Variants in CARNMT1 observed in about 807,000 individuals in gnomAD.
CARNMT1 encodes the protein carnosine N-methyltransferase 1.
Under a neutral mutation model 49.6 loss-of-function variants are expected in CARNMT1, and 28 were observed. The ratio of observed to expected loss-of-function variants is 0.56; its 90% CI spans 0.42 to 0.77. CARNMT1 has a LOEUF of 0.77. Ranked by LOEUF, CARNMT1 falls within the 30% of genes least tolerant of loss-of-function variation. The pLI is 0.00. For missense variants in CARNMT1, 421 were observed against 512.6 expected (o/e 0.82, Z 1.73); for synonymous variants, 178 against 175.0 (o/e 1.02, Z -0.13).
intron 3 of CARNMT1, among the ~76,000 whole-genome samples, chr9:75,001,694 A>G (rs1726911793): frequency 6.6e-6 from 1 of 152,136 alleles, no homozygotes; most frequent in Non-Finnish European, 1.5e-5. Flanking sequence ...TCTTAGCTAG[A>G]TTTTCTTCAT....
At chr9:74,998,883 TAATA>T in intron 4 of CARNMT1, 107 bp from the exon 5 acceptor site, 1 of 628,084 alleles carries the variant, frequency 1.6e-6, no homozygotes, top group Non-Finnish European at 2.5e-6. Context: ...CATATATAAT[TAATA>T]TTTAAAGAGT....
intron 3 of CARNMT1, among the ~76,000 whole-genome samples, chr9:75,012,387 A>G (rs1833719551): frequency 6.6e-6 from 1 of 151,780 alleles, no homozygotes; most frequent in Non-Finnish European, 1.5e-5. Context: ...CCCAGGTTCA[A>G]ACAATTCTCC....
At chr9:74,988,587 C>G (rs186581851) in intron 6 of CARNMT1, among the ~76,000 whole-genome samples, 3 of 152,300 alleles carry the variant, frequency 2.0e-5, no homozygotes, top group African/African-American at 7.2e-5. Context: ...AGTCTTTAGT[C>G]CGCCCATATC....
At chr9:75,028,396 C>A (rs1822597028), upstream of CARNMT1, 5 of 1,293,252 alleles carry the variant, frequency 3.9e-6, no homozygotes, top group South Asian at 2.5e-5. Flanking sequence ...TCCATCCGCG[C>A]TGGGCTCCGC....
chr9:75,020,324 G>A (rs1822309712), intron 1 of CARNMT1, among the ~76,000 whole-genome samples: 2 of 140,458 alleles, frequency 1.4e-5, no homozygotes, highest in African/African-American at 2.7e-5. Flanking sequence ...CTGGAATGCA[G>A]TAGCACGATC....
At chr9:75,016,917 TG>T in intron 2 of CARNMT1, 1 of 367,388 alleles carries the variant, frequency 2.7e-6, no homozygotes, top group Non-Finnish European at 4.8e-6. Flanking sequence ...TACAAGACAC[TG>T]AAAAAATATG....
intron 1 of CARNMT1, 31 bp from the exon 2 acceptor site, chr9:75,017,479 C>T (rs566894502): frequency 1.3e-6 from 2 of 1,586,384 alleles, no homozygotes; most frequent in African/African-American, 1.3e-5. Context: ...TTTAAATTCA[C>T]AAAAGAATTC....
intron 1 of CARNMT1, among the ~76,000 whole-genome samples, chr9:75,021,529 C>T (rs1158848342): frequency 3.3e-5 from 5 of 149,716 alleles, no homozygotes; most frequent in Non-Finnish European, 7.4e-5. Context: ...ATTTATATTA[C>T]TAAAATGTTC....
chr9:75,027,862 G>T, intron 1 of CARNMT1, 150 bp downstream of exon 1: 1 of 853,890 alleles, frequency 1.2e-6, no homozygotes, highest in Non-Finnish European at 1.7e-6. Context: ...GGTGCGAGGT[G>T]ACTCGGGGCC....
At chr9:75,003,778 T>C (rs189749329) in intron 3 of CARNMT1, among the ~76,000 whole-genome samples, 5 of 152,382 alleles carry the variant, frequency 3.3e-5, no homozygotes, top group African/African-American at 7.2e-5. Flanking sequence ...ACTAATGTAG[T>C]GGCATAAATA....
intron 3 of CARNMT1, among the ~76,000 whole-genome samples, chr9:75,005,824 T>TAA (rs1159842360): frequency 1.3e-5 from 1 of 77,912 alleles, no homozygotes; most frequent in East Asian, 3.6e-4. Flanking sequence ...TCAGTGAAAT[T>TAA]AAAACACACA....
At chr9:75,012,235 T>C (rs1833710259) in intron 3 of CARNMT1, among the ~76,000 whole-genome samples, 1 of 152,026 alleles carries the variant, frequency 6.6e-6, no homozygotes, top group Non-Finnish European at 1.5e-5. Flanking sequence ...TGTACATTAA[T>C]ATGTTGGGTC....
At chr9:75,022,529 T>G (rs1393010792) in intron 1 of CARNMT1, among the ~76,000 whole-genome samples, 2 of 151,976 alleles carry the variant, frequency 1.3e-5, no homozygotes, top group Admixed American at 6.6e-5. Context: ...TGGCCAGGAG[T>G]TAGTATTTTT....
At chr9:75,016,040 A>G (rs1214635255) in intron 3 of CARNMT1, 1 of 388,366 alleles carries the variant, frequency 2.6e-6, no homozygotes, top group Admixed American at 4.3e-5. Flanking sequence ...ACCTAACCTT[A>G]TTATTTAATT....
chr9:75,010,898 G>A (rs190064065), intron 3 of CARNMT1, among the ~76,000 whole-genome samples: 2 of 152,076 alleles, frequency 1.3e-5, no homozygotes, highest in East Asian at 3.9e-4. Context: ...ACACAGTGGT[G>A]ACAGATGTAC....
At chr9:75,017,164 A>G (rs1162063197) in intron 2 of CARNMT1, 89 bp downstream of exon 2, 1 of 994,144 alleles carries the variant, frequency 1.0e-6, no homozygotes, top group Non-Finnish European at 1.5e-6. Context: ...CCTGTGCCAG[A>G]TTATAAAAAT....
chr9:75,016,986 A>T, intron 2 of CARNMT1: 1 of 435,706 alleles, frequency 2.3e-6, no homozygotes, highest in Non-Finnish European at 4.0e-6. Context: ...AATTTAAGTC[A>T]CTAACCCTGT....
chr9:75,006,857 A>T (rs551394814), intron 3 of CARNMT1, among the ~76,000 whole-genome samples: 46 of 152,342 alleles, frequency 3.0e-4, no homozygotes, highest in African/African-American at 8.9e-4. Context: ...GAAAAGGAAC[A>T]GTGTGTGCTA....
At chr9:75,005,564 C>G (rs1461251910) in intron 3 of CARNMT1, among the ~76,000 whole-genome samples, 1 of 151,674 alleles carries the variant, frequency 6.6e-6, no homozygotes, top group Non-Finnish European at 1.5e-5. Context: ...GCTCCGCCTC[C>G]CGGGTTCACA....
Sources: allele counts gnomAD v4.1 joint callset (sites outside exome capture counted in the v4.1 genomes callset), GRCh38; gene constraint gnomAD v4.1.1; transcripts MANE v1.5; gene names NCBI Gene and HGNC (gene_info 2026-07-23, HGNC 2026-07-21).